The following LRP1B variants were observed in gnomAD, a reference collection of about 807,000 sequenced individuals.
The protein encoded by LRP1B is LDL receptor related protein 1B.
In LRP1B, 217 loss-of-function variants were observed where a neutral mutation model predicts 556.6. That is an observed-to-expected ratio of 0.39 (90% CI 0.35 to 0.44). LRP1B has a LOEUF of 0.44. Among genes scored for constraint, LRP1B ranks in the 20% least tolerant of loss-of-function variants. LRP1B has a pLI of 1.00. For synonymous variants in LRP1B, 2,047 were observed against 1,865.8 expected, an observed-to-expected ratio of 1.10 and a Z score of -2.50; for missense variants, 5,053 against 5,620.8, an observed-to-expected ratio of 0.90 and a Z score of 3.23.
intron 2 of LRP1B, among the ~76,000 whole-genome samples, chr2:141,641,206 G>A (rs1340624088): frequency 2.0e-5 from 2 of 98,698 alleles, no homozygotes; most frequent in Non-Finnish European, 4.4e-5. Context: ...AGCTCAGTTG[G>A]TTACAGTGTG....
At chr2:141,714,656 T>C (rs1161596299) in intron 2 of LRP1B, among the ~76,000 whole-genome samples, 1 of 152,124 alleles carries the variant, frequency 6.6e-6, no homozygotes, top group Non-Finnish European at 1.5e-5. Context: ...GCAGAGACTG[T>C]TAGAAACGCA....
In LRP1B at chr2:141,926,320, T is replaced by A. The variant is rs2104984741; in HGVS notation, c.83-115919A>T. On this transcript the variant is annotated intron_variant, in intron 1 of 90. Coordinates refer to ENST00000389484, the MANE Select transcript of LRP1B (RefSeq NM_018557.3). The stretch of plus-strand genomic sequence containing the variant: ...ACAAATGTCTCCACAGCTTTAGGTC[T>A]TGTGACTTACGGAGTAAATGTGTTA... 2.0e-5 allele frequency among the ~76,000 whole-genome samples: 3 copies of A among 152,316 alleles called. No homozygotes were observed. The South Asian group carries it at 6.2e-4, about 32-fold the overall frequency.
At position 140,989,597 on chromosome 2, in the gene LRP1B, C is replaced by G. The variant is rs2105352892; in HGVS notation, c.2705G>C (p.Arg902Thr). 1 of 1,613,266 alleles carries G rather than the reference C, an allele frequency of 6.2e-7. No individual in the cohort carries two copies. Among genetic ancestry groups the G allele is most frequent in the South Asian group, 1.1e-5 (1 of 91,066 alleles). The change falls in exon 17 of 91, where the codon AGA becomes ACA. Residue 902 changes from arginine to threonine, a missense_variant. By Grantham distance (71) the Arg-to-Thr change is moderately conservative (BLOSUM62 -1). Around this residue, in one of 5 missense-constraint regions of LRP1B, gnomAD observed 3,619 missense variants for 3,931.9 expected, o/e 0.92. Transcript: ENST00000389484. ...KCQNNRCIPKRWLCDGANDCG... is the reference protein window; with the variant it reads ...KCQNNRCIPKTWLCDGANDCG... Reference sequence around the variant, plus strand: ...GTCATTAGCTCCATCACAAAGCCATCTCTTGGGGATGCAGCGATTATTCTG... The same window carrying G: ...GTCATTAGCTCCATCACAAAGCCATGTCTTGGGGATGCAGCGATTATTCTG...
intron 14 of LRP1B, among the ~76,000 whole-genome samples, chr2:141,009,987 C>A (rs1180288397): frequency 6.6e-6 from 1 of 151,950 alleles, no homozygotes; most frequent in African/African-American, 2.4e-5. Flanking sequence ...TGATCCTTGG[C>A]TTTCTCATAT....
At chr2:141,516,866 T>C (rs1684330716) in intron 2 of LRP1B, among the ~76,000 whole-genome samples, 1 of 151,452 alleles carries the variant, frequency 6.6e-6, no homozygotes, top group Non-Finnish European at 1.5e-5. Context: ...CCTGGCTAAT[T>C]TTTGAATTTT....
intron 41 of LRP1B, among the ~76,000 whole-genome samples, chr2:140,629,212 T>A (rs1683788931): frequency 6.6e-6 from 1 of 150,788 alleles, no homozygotes; most frequent in South Asian, 2.1e-4. Flanking sequence ...CACCACCATA[T>A]CCAGCTAATT....
chr2:140,927,844 C>A (rs1243367673), intron 20 of LRP1B, among the ~76,000 whole-genome samples: 1 of 151,492 alleles, frequency 6.6e-6, no homozygotes, highest in Admixed American at 6.6e-5. Context: ...GAAGCTGGGA[C>A]TACAGGCACC....
At chr2:141,505,154 A>G (rs1307219510) in intron 2 of LRP1B, among the ~76,000 whole-genome samples, 1 of 151,616 alleles carries the variant, frequency 6.6e-6, no homozygotes, top group Non-Finnish European at 1.5e-5. Context: ...AATTTAGGTA[A>G]AGTCATTTCT....
intron 18 of LRP1B, among the ~76,000 whole-genome samples, chr2:140,971,457 T>G (rs1454236007): frequency 1.3e-5 from 2 of 152,200 alleles, no homozygotes; most frequent in African/African-American, 4.8e-5. Context: ...CCACCACATT[T>G]GCAACAATTT....
At chr2:140,647,420 A>G (rs1339458185) in intron 41 of LRP1B, among the ~76,000 whole-genome samples, 2 of 151,984 alleles carry the variant, frequency 1.3e-5, no homozygotes, top group Non-Finnish European at 2.9e-5. Context: ...TATTCAATAA[A>G]TAATTATTGA....
chr2:141,125,607 A>G (rs781236800), intron 7 of LRP1B, among the ~76,000 whole-genome samples: 1 of 152,130 alleles, frequency 6.6e-6, no homozygotes, highest in Non-Finnish European at 1.5e-5. Flanking sequence ...GTGAAGGCAC[A>G]CACTATCTTT....
At chr2:140,325,619 T>C (rs775826489) in intron 80 of LRP1B, 143 bp downstream of exon 80, 16 of 511,362 alleles carry the variant, frequency 3.1e-5, no homozygotes, top group Non-Finnish European at 5.3e-5. Context: ...AAATTTTAAT[T>C]ACTAGTAAGC....
At chr2:141,556,665 G>A (rs1187904495) in intron 2 of LRP1B, among the ~76,000 whole-genome samples, 2 of 151,836 alleles carry the variant, frequency 1.3e-5, no homozygotes, top group South Asian at 2.1e-4. Flanking sequence ...AACTTCTAGA[G>A]GTTAGTATGG....
At chr2:141,363,874 T>G (rs1688924006) in intron 3 of LRP1B, among the ~76,000 whole-genome samples, 1 of 152,168 alleles carries the variant, frequency 6.6e-6, no homozygotes. Context: ...ATTTCCCCAA[T>G]TATAATTTGT....
At chr2:141,147,777 A>G (rs942267831) in intron 7 of LRP1B, among the ~76,000 whole-genome samples, 10 of 152,350 alleles carry the variant, frequency 6.6e-5, no homozygotes, top group African/African-American at 2.4e-4. Context: ...GTACGGTCAC[A>G]TACCACATAA....
At chr2:140,760,639 A>G (rs1223590940) in intron 35 of LRP1B, among the ~76,000 whole-genome samples, 1 of 152,158 alleles carries the variant, frequency 6.6e-6, no homozygotes, top group Non-Finnish European at 1.5e-5. Context: ...TAATTCCAAC[A>G]CTTTGGGAGG....
intron 3 of LRP1B, among the ~76,000 whole-genome samples, chr2:141,319,534 A>G (rs189806807): frequency 5.9e-5 from 9 of 152,176 alleles, no homozygotes; most frequent in Non-Finnish European, 1.5e-5. Flanking sequence ...CTATAATGTC[A>G]GACTGGGATT....
chr2:140,349,620 G>T (rs563712894), intron 77 of LRP1B, among the ~76,000 whole-genome samples: 1 of 151,986 alleles, frequency 6.6e-6, no homozygotes. Context: ...AAGCTAGGAG[G>T]CCAGTAAGCA....
At chr2:141,641,196 A>ACAGCGGGT (rs3039272) in intron 2 of LRP1B, among the ~76,000 whole-genome samples, 7 of 151,784 alleles carry the variant, frequency 4.6e-5, no homozygotes, top group Non-Finnish European at 8.8e-5. Context: ...ATAGCTGGGT[A>ACAGCGGGT]GCTCAGTTGG....
Sources: gnomAD v4.1 joint callset for allele counts (sites outside exome capture counted in the v4.1 genomes callset) on GRCh38, gnomAD v4.1.1 for gene constraint, gnomAD v4.1.1 regional missense constraint, MANE v1.5 for transcripts, NCBI Gene and HGNC (gene_info 2026-07-23, HGNC 2026-07-21) for gene names.